Variants in ITGA8 observed in about 807,000 individuals in gnomAD.
ITGA8 encodes integrin alpha-8.
Under a neutral mutation model 142.3 loss-of-function variants are expected in ITGA8, and 91 were observed. The observed-to-expected ratio is 0.64, with a 90% CI of 0.54 to 0.76. The LOEUF is 0.76. Among genes scored for constraint, ITGA8 ranks in the 30% least tolerant of loss-of-function variants. The probability of loss-of-function intolerance (pLI) is 0.00; values close to 1 mark genes in which losing one functional copy is unlikely to be tolerated. For synonymous variants in ITGA8, 505 were observed against 485.2 expected (o/e 1.04, Z -0.54); for missense variants, 1,406 against 1,327.7 (o/e 1.06, Z -0.92).
intron 21 of ITGA8, chr10:15,596,733 A>G (rs568465422): frequency 6.4e-6 from 1 of 156,616 alleles, no homozygotes; most frequent in South Asian, 1.9e-4. Flanking sequence ...ACTTATCAGC[A>G]TCTTTAAAAT....
intron 26 of ITGA8, among the ~76,000 whole-genome samples, chr10:15,552,559 A>G (rs577920996): frequency 1.3e-5 from 2 of 152,272 alleles, no homozygotes; most frequent in South Asian, 4.1e-4. Flanking sequence ...TTATACTTTA[A>G]ATTCTGGGAT....
intron 13 of ITGA8, among the ~76,000 whole-genome samples, chr10:15,640,127 A>C (rs1588691818): frequency 6.6e-6 from 1 of 152,350 alleles, no homozygotes; most frequent in Non-Finnish European, 1.5e-5. Flanking sequence ...CATGCAGTTT[A>C]TAAAGCATCT....
chr10:15,706,116 C>T (rs1286963111), intron 2 of ITGA8, among the ~76,000 whole-genome samples: 1 of 152,150 alleles, frequency 6.6e-6, no homozygotes, highest in Admixed American at 6.5e-5. Flanking sequence ...GTCTAATAAG[C>T]ATCTTAAATT....
intron 13 of ITGA8, among the ~76,000 whole-genome samples, chr10:15,634,197 G>T (rs574470563): frequency 7.9e-5 from 12 of 152,062 alleles, no homozygotes; most frequent in African/African-American, 2.7e-4. Context: ...CCCTCTTAAA[G>T]CTCTTCTCAT....
chr10:15,544,370 G>A (rs763343830), intron 27 of ITGA8, among the ~76,000 whole-genome samples: 1 of 152,128 alleles, frequency 6.6e-6, no homozygotes, highest in Non-Finnish European at 1.5e-5. Context: ...AACTTGAAGG[G>A]AGGCAGGGGG....
In ITGA8 at chr10:15,719,022, G is replaced by C. The variant is rs1298651476; in HGVS notation, c.210-123C>G. 1.3e-5 allele frequency: 18 copies of C among 1,393,250 alleles called. 1 individual carries two copies. Among genetic ancestry groups the C allele is most frequent in the Non-Finnish European group, 1.8e-5 (18 of 1,023,222 alleles). The allele number at this position is 1,393,250 out of a possible 1,614,324, so 86.3% of individuals were successfully genotyped here. On this transcript the variant is annotated intron_variant, in intron 1 of 29. Transcript: ENST00000378076. ...GCGTGGAGGGCATGAACGTATTTAT[G>C]ATGAGGACCGACTGTCAAACTTGAT...
intron 3 of ITGA8, among the ~76,000 whole-genome samples, chr10:15,686,726 G>T (rs563252586): frequency 4.2e-4 from 64 of 152,192 alleles, no homozygotes; most frequent in African/African-American, 1.5e-3. Context: ...AAAAAATTTA[G>T]CTTGAAATAT....
chr10:15,560,977 GC>G (rs1833964114), intron 25 of ITGA8, among the ~76,000 whole-genome samples: 1 of 151,730 alleles, frequency 6.6e-6, no homozygotes, highest in African/African-American at 2.4e-5. Context: ...GGGTACAATC[GC>G]AGCTCATTAC....
chr10:15,689,846 C>T (rs140738752), intron 2 of ITGA8, among the ~76,000 whole-genome samples: 1 of 152,266 alleles, frequency 6.6e-6, no homozygotes, highest in Admixed American at 6.5e-5. Flanking sequence ...GCCACTGTGC[C>T]CTGCTGCCAG....
chr10:15,699,242 C>T (rs1169940270), intron 2 of ITGA8, among the ~76,000 whole-genome samples: 1 of 152,162 alleles, frequency 6.6e-6, no homozygotes, highest in Non-Finnish European at 1.5e-5. Context: ...TAAGATTACA[C>T]CACTGTACTC....
chr10:15,532,351 G>A (rs1833321060), intron 27 of ITGA8, among the ~76,000 whole-genome samples: 1 of 149,068 alleles, frequency 6.7e-6, no homozygotes, highest in Admixed American at 6.7e-5. Flanking sequence ...CCTGGGAGGC[G>A]GAGGTTGCAG....
chr10:15,683,917 A>T, intron 4 of ITGA8, 87 bp downstream of exon 4: 1 of 1,484,894 alleles, frequency 6.7e-7, no homozygotes, highest in Non-Finnish European at 9.2e-7. Context: ...GTAAGTTATC[A>T]ATGGTGTTTT....
At chr10:15,694,651 AAT>A (rs1367338432) in intron 2 of ITGA8, among the ~76,000 whole-genome samples, 2 of 128,330 alleles carry the variant, frequency 1.6e-5, no homozygotes, top group African/African-American at 2.8e-5. Context: ...AATATATTTT[AAT>A]ATATATTATA....
chr10:15,628,623 C>T (rs1450439365), intron 13 of ITGA8, among the ~76,000 whole-genome samples: 17 of 151,700 alleles, frequency 1.1e-4, no homozygotes, highest in Non-Finnish European at 1.6e-4. Context: ...TGAGCCACCG[C>T]GCCCGGCCAG....
intron 2 of ITGA8, among the ~76,000 whole-genome samples, chr10:15,694,828 C>T (rs535844244): frequency 6.6e-6 from 1 of 151,150 alleles, no homozygotes; most frequent in African/African-American, 2.4e-5. Context: ...CAGGAATGAA[C>T]TTATGACACC....
At chr10:15,589,974 G>A (rs996891864) in intron 22 of ITGA8, among the ~76,000 whole-genome samples, 4 of 152,074 alleles carry the variant, frequency 2.6e-5, no homozygotes, top group Non-Finnish European at 5.9e-5. Context: ...TGTTGGCTAG[G>A]CTGGTCTCGA....
Sources: gnomAD v4.1 joint callset for allele counts (sites outside exome capture counted in the v4.1 genomes callset) on GRCh38, gnomAD v4.1.1 for gene constraint, MANE v1.5 for transcripts, NCBI Gene and HGNC (gene_info 2026-07-23, HGNC 2026-07-21) for gene names.